The following COP1 variants were observed in gnomAD, a reference collection of about 807,000 sequenced individuals.
The protein encoded by COP1 is COP1 E3 ubiquitin ligase.
In COP1, 24 loss-of-function variants were observed where a neutral mutation model predicts 101.3. That is an observed-to-expected ratio of 0.24 (90% CI 0.17 to 0.33). The LOEUF is 0.33. COP1 is among the 10% of genes least tolerant of loss of function. The pLI is 1.00. For missense variants in COP1, 663 were observed against 906.2 expected (o/e 0.73, Z 3.45); for synonymous variants, 347 against 341.9 (o/e 1.01, Z -0.17).
intron 18 of COP1, among the ~76,000 whole-genome samples, chr1:175,959,399 G>A (rs1280354646): frequency 6.6e-6 from 1 of 151,910 alleles, no homozygotes; most frequent in South Asian, 2.1e-4. Context: ...ACAAGTCAAC[G>A]ATGCCAGATA....
At chr1:176,076,313 A>G (rs1313741776) in intron 11 of COP1, among the ~76,000 whole-genome samples, 1 of 152,184 alleles carries the variant, frequency 6.6e-6, no homozygotes, top group African/African-American at 2.4e-5. Context: ...ATCAATATCA[A>G]GAAGATCTCT....
At chr1:175,949,168 CAAAAAAAA>C (rs56280543) in intron 18 of COP1, among the ~76,000 whole-genome samples, 6,740 of 43,244 alleles carry the variant, frequency 0.16, 611 homozygotes, top group Middle Eastern at 0.38. Context: ...GGCTCCGTCT[CAAAAAAAA>C]AAAAAAAAAA....
At chr1:176,206,338 CACTTACCT>C in intron 1 of COP1, 1 of 538,606 alleles carries the variant, frequency 1.9e-6, no homozygotes, top group East Asian at 3.3e-5. Flanking sequence ...TCCTCAGCAA[CACTTACCT>C]ACCTCTTTAT....
chr1:176,005,670 G>A (rs570718971), intron 15 of COP1, among the ~76,000 whole-genome samples: 1 of 152,178 alleles, frequency 6.6e-6, no homozygotes, highest in South Asian at 2.1e-4. Flanking sequence ...TTTTGAGTGA[G>A]ATTCTTAATC....
At chr1:176,049,666 T>C (rs867893745) in intron 11 of COP1, among the ~76,000 whole-genome samples, 3 of 152,120 alleles carry the variant, frequency 2.0e-5, no homozygotes, top group Non-Finnish European at 2.9e-5. Context: ...ATTTGCTCCC[T>C]ATCTCTGACA....
At chr1:176,033,164 C>T (rs758089325) in intron 14 of COP1, among the ~76,000 whole-genome samples, 10 of 152,248 alleles carry the variant, frequency 6.6e-5, no homozygotes, top group Non-Finnish European at 1.5e-4. Flanking sequence ...GTAATCCCAG[C>T]ACCTTGGGAG....
intron 18 of COP1, among the ~76,000 whole-genome samples, chr1:175,960,975 C>T (rs1489694890): frequency 1.3e-5 from 2 of 152,140 alleles, no homozygotes; most frequent in African/African-American, 4.8e-5. Context: ...CAGCTGGGGG[C>T]CTGGATAGAC....
At chr1:176,149,746 C>A (rs189668539) in intron 5 of COP1, among the ~76,000 whole-genome samples, 13 of 152,028 alleles carry the variant, frequency 8.6e-5, no homozygotes, top group Admixed American at 7.9e-4. Context: ...CATAAAAACA[C>A]AAGTATGTAT....
intron 12 of COP1, 147 bp from the exon 13 acceptor site, chr1:176,043,965 G>A: frequency 3.6e-6 from 2 of 559,608 alleles, no homozygotes; most frequent in South Asian, 2.4e-5. Flanking sequence ...ACATACCTGG[G>A]AAAAGACATA....
chr1:176,002,074 C>A (rs1019971833), intron 15 of COP1, among the ~76,000 whole-genome samples: 1 of 151,944 alleles, frequency 6.6e-6, no homozygotes, highest in African/African-American at 2.4e-5. Flanking sequence ...TTTAGGTGTA[C>A]ATCTTATCTA....
At chr1:176,070,099 G>T (rs1000437291) in intron 11 of COP1, among the ~76,000 whole-genome samples, 1 of 152,062 alleles carries the variant, frequency 6.6e-6, no homozygotes, top group African/African-American at 2.4e-5. Context: ...GTTGCTACTT[G>T]AACAAGCTCC....
chr1:176,153,586 A>G (rs1692969925), intron 5 of COP1, among the ~76,000 whole-genome samples: 1 of 152,114 alleles, frequency 6.6e-6, no homozygotes. Flanking sequence ...CTTTCTTTCT[A>G]TGCTTGACTG....
intron 4 of COP1, among the ~76,000 whole-genome samples, chr1:176,163,314 AT>A (rs1694619595): frequency 6.6e-6 from 1 of 152,210 alleles, no homozygotes; most frequent in Non-Finnish European, 1.5e-5. Context: ...GTAGTAAGGT[AT>A]TAAGCTCATT....
intron 1 of COP1, among the ~76,000 whole-genome samples, chr1:176,189,772 G>A (rs1698911557): frequency 2.0e-5 from 3 of 151,314 alleles, no homozygotes; most frequent in African/African-American, 7.3e-5. Context: ...TAGAAACAAT[G>A]AAAGCAAGCC....
chr1:176,178,318 A>G lies in COP1; in HGVS notation c.468-2311T>C, dbSNP rs1233076440. Among the ~76,000 whole-genome samples, 8 of 149,602 alleles carry G rather than the reference A, an allele frequency of 5.3e-5. 1 individual carries two copies. The South Asian group carries it at 1.3e-3, about 24-fold the overall frequency. ...TTTTTAAATCAGCAGCCTGGGCAACATGGCAAAACTCTGTCTCTACAAAAA... is the reference window on the plus strand; with the variant it reads ...TTTTTAAATCAGCAGCCTGGGCAACGTGGCAAAACTCTGTCTCTACAAAAA... On this transcript the variant is annotated intron_variant, in intron 2 of 19. Coordinates refer to ENST00000367669, the MANE Select transcript of COP1 (RefSeq NM_022457.7).
intron 15 of COP1, among the ~76,000 whole-genome samples, chr1:176,007,736 G>A (rs1410417136): frequency 6.6e-6 from 1 of 152,136 alleles, no homozygotes; most frequent in South Asian, 2.1e-4. Flanking sequence ...GAGAACCACT[G>A]CTCTCTTCAA....
chr1:176,190,246 C>A (rs1171404937), intron 1 of COP1, among the ~76,000 whole-genome samples: 3 of 151,866 alleles, frequency 2.0e-5, no homozygotes, highest in Non-Finnish European at 2.9e-5. Flanking sequence ...ATTTAAAATC[C>A]AAAATGCCCC....
rs142883060 is a variant in COP1 at position 176,024,041 on chromosome 1, T to G, written c.1729+3531A>C. Among the ~76,000 whole-genome samples, 207 of 152,214 alleles carry G rather than the reference T, an allele frequency of 1.4e-3. 3 individuals carry two copies. The East Asian group carries it at 0.038, about 28-fold the overall frequency. On this transcript the variant is annotated intron_variant, in intron 15 of 19. Coordinates refer to ENST00000367669, the MANE Select transcript of COP1 (RefSeq NM_022457.7). ...GGGAGGCCGAGGCAGGCAGATCACT[T>G]GAGGTCAGGAGTTCGAGACCAGCCT...
At chr1:176,199,338 T>C (rs951786369) in intron 1 of COP1, among the ~76,000 whole-genome samples, 3 of 151,934 alleles carry the variant, frequency 2.0e-5, no homozygotes, top group Admixed American at 2.0e-4. Context: ...AAAAAAGAAA[T>C]GCAAAATGGT....
Sources: gnomAD v4.1 joint callset for allele counts (sites outside exome capture counted in the v4.1 genomes callset) on GRCh38, gnomAD v4.1.1 for gene constraint, MANE v1.5 for transcripts, NCBI Gene and HGNC (gene_info 2026-07-23, HGNC 2026-07-21) for gene names.